The following MAGI1 variants were observed in gnomAD, a reference collection of about 807,000 sequenced individuals.
MAGI1 encodes the protein membrane-associated guanylate kinase, WW and PDZ domain-containing protein 1.
Under a neutral mutation model 139.9 loss-of-function variants are expected in MAGI1, and 58 were observed. The observed-to-expected ratio is 0.41, with a 90% CI of 0.34 to 0.52. The LOEUF (loss-of-function observed/expected upper bound fraction) is 0.52, where lower values mean the gene tolerates loss of function less well. Ranked by LOEUF, MAGI1 falls within the 20% of genes least tolerant of loss-of-function variation. The pLI, the probability that MAGI1 is intolerant of heterozygous loss-of-function variation, is 0.12. For synonymous variants in MAGI1, 812 were observed against 737.9 expected, an observed-to-expected ratio of 1.10 and a Z score of -1.63; for missense variants, 1,874 against 1,901.6, an observed-to-expected ratio of 0.99 and a Z score of 0.27.
chr3:65,940,505 G>C (rs60167566), intron 1 of MAGI1, among the ~76,000 whole-genome samples: 2 of 152,216 alleles, frequency 1.3e-5, no homozygotes, highest in East Asian at 1.9e-4. Flanking sequence ...TGTTTTATAA[G>C]AGCACTAATC....
chr3:66,030,526 C>G (rs1468938937), intron 1 of MAGI1, among the ~76,000 whole-genome samples: 1 of 152,140 alleles, frequency 6.6e-6, no homozygotes, highest in African/African-American at 2.4e-5. Flanking sequence ...GATCTACATA[C>G]TATGGAGTAA....
At chr3:65,496,914 T>C (rs756787488) in intron 2 of MAGI1, among the ~76,000 whole-genome samples, 3 of 152,142 alleles carry the variant, frequency 2.0e-5, no homozygotes, top group Non-Finnish European at 2.9e-5. Context: ...TTGGATGTTG[T>C]ATGTAAGAAA....
At chr3:65,613,345 T>C (rs1360547230) in intron 2 of MAGI1, among the ~76,000 whole-genome samples, 2 of 152,180 alleles carry the variant, frequency 1.3e-5, no homozygotes, top group African/African-American at 4.8e-5. Context: ...TAATGACAGA[T>C]GTTATTATTA....
rs576920678 is a variant in MAGI1 at position 65,709,580 on chromosome 3, C to T, written c.314-87492G>A. Among the ~76,000 whole-genome samples the T allele has an allele frequency of 4.7e-4, 71 of 152,258 alleles. 1 individual carries two copies. In the South Asian group the frequency reaches 6.4e-3, roughly 14 times the overall value. On this transcript the variant is annotated intron_variant, in intron 1 of 22. Coordinates refer to ENST00000402939, the MANE Select transcript of MAGI1 (RefSeq NM_001033057.2). Reference sequence around the variant, plus strand: ...ATACCAAATTAGAGACAACAGGAAACGTCAGTAGTCTTACGGCTTTTCTTT... The same window carrying T: ...ATACCAAATTAGAGACAACAGGAAATGTCAGTAGTCTTACGGCTTTTCTTT...
At chr3:65,686,287 GT>G (rs376536558) in intron 1 of MAGI1, among the ~76,000 whole-genome samples, 226 of 151,966 alleles carry the variant, frequency 1.5e-3, no homozygotes, top group African/African-American at 4.8e-3. Context: ...CTGTAGGGGT[GT>G]TTTTTTGTTT....
intron 1 of MAGI1, among the ~76,000 whole-genome samples, chr3:65,730,345 A>G (rs2034060604): frequency 6.6e-6 from 1 of 152,208 alleles, no homozygotes; most frequent in Admixed American, 6.5e-5. Context: ...TTCTTCCCCA[A>G]GCCTGTCACC....
At chr3:65,915,581 A>C (rs2061861943) in intron 1 of MAGI1, among the ~76,000 whole-genome samples, 1 of 152,182 alleles carries the variant, frequency 6.6e-6, no homozygotes, top group East Asian at 1.9e-4. Flanking sequence ...AAAACGATGA[A>C]TAACACACAG....
At chr3:65,477,121 C>T (rs1950936437) in intron 4 of MAGI1, among the ~76,000 whole-genome samples, 1 of 152,164 alleles carries the variant, frequency 6.6e-6, no homozygotes, top group Non-Finnish European at 1.5e-5. Context: ...GGGTAACAAA[C>T]AAATCTCCTC....
intron 1 of MAGI1, among the ~76,000 whole-genome samples, chr3:65,934,345 T>G (rs577647571): frequency 5.3e-4 from 80 of 151,886 alleles, no homozygotes; most frequent in Middle Eastern, 3.4e-3. Context: ...GATCCTCCTG[T>G]CTCAGCCTCC....
At position 65,354,099 on chromosome 3, in the gene MAGI1, A is replaced by G. The variant is rs541953560; in HGVS notation, c.*2279T>C. 1 of 152,360 alleles carries G rather than the reference A, an allele frequency of 6.6e-6. No homozygotes were observed. The highest frequency in any genetic ancestry group is 1.9e-4 in the East Asian group (1 of 5,188). The allele number at this position is 152,360 out of a possible 1,614,324, so 9.4% of individuals were successfully genotyped here. A position where few individuals can be genotyped will look rare whatever the true frequency, so the allele number is the denominator to read the frequency against. ...CAATTGAGAGCATCAGTCATTTAAC[A>G]TCACAGATTTTGTTAGAACTAGTGA... is the stretch of plus-strand genomic sequence containing the variant. On this transcript the variant is annotated 3_prime_UTR_variant, in exon 23 of 23. Coordinates refer to ENST00000402939, the MANE Select transcript of MAGI1 (RefSeq NM_001033057.2).
chr3:65,425,058 G>A (rs1264278189), intron 12 of MAGI1, among the ~76,000 whole-genome samples: 1 of 135,204 alleles, frequency 7.4e-6, no homozygotes, highest in Non-Finnish European at 1.6e-5. Flanking sequence ...CAAAAGAGCA[G>A]GACCCTGTAT....
chr3:65,848,138 A>G (rs1417523403), intron 1 of MAGI1, among the ~76,000 whole-genome samples: 1 of 152,204 alleles, frequency 6.6e-6, no homozygotes, highest in Non-Finnish European at 1.5e-5. Flanking sequence ...AATTAAAAAG[A>G]AGAAGTCAGA....
intron 1 of MAGI1, among the ~76,000 whole-genome samples, chr3:65,961,787 A>C (rs2064438144): frequency 6.6e-6 from 1 of 152,182 alleles, no homozygotes; most frequent in Non-Finnish European, 1.5e-5. Context: ...CTTTCCAATA[A>C]AGACAGACTC....
intron 2 of MAGI1, chr3:65,609,840 G>A (rs2082951091): frequency 7.7e-6 from 2 of 261,404 alleles, no homozygotes; most frequent in Admixed American, 4.0e-5. Flanking sequence ...GCTTCCCAAA[G>A]TGTTGGGATT....
chr3:66,015,179 CAAAA>C (rs11361856), intron 1 of MAGI1, among the ~76,000 whole-genome samples: 2 of 98,000 alleles, frequency 2.0e-5, no homozygotes, highest in East Asian at 3.0e-4. Flanking sequence ...CCTGTCTCTA[CAAAA>C]AAAAAAAAAA....
chr3:65,498,969 C>A lies in MAGI1; in HGVS notation c.431-5338G>T, dbSNP rs1010104797. 8.1e-6 allele frequency: 8 copies of A among 982,152 alleles called. No individual in the cohort carries two copies. The African/African-American group carries it at 1.4e-4, about 17-fold the overall frequency. 60.8% of individuals were successfully genotyped at this position (982,152 alleles called of 1,614,324 possible). A position where few individuals can be genotyped will look rare whatever the true frequency, so the allele number is the denominator to read the frequency against. On this transcript the variant is annotated intron_variant, in intron 2 of 22. Coordinates refer to ENST00000402939, the MANE Select transcript of MAGI1 (RefSeq NM_001033057.2). ...CATTACACTACATCCAGTACCATGT[C>A]CCAAACAACTTCTAGCACTCAAAAT...
chr3:65,530,265 G>A lies in MAGI1; in HGVS notation c.431-36634C>T, dbSNP rs188184504. On this transcript the variant is annotated intron_variant, in intron 2 of 22. Transcript: ENST00000402939. ...TGTCATCCATGTCACTGAATTAGGCGAGTGCTAATTCATCCATGTCACTGA... is the reference window on the plus strand; with the variant it reads ...TGTCATCCATGTCACTGAATTAGGCAAGTGCTAATTCATCCATGTCACTGA... Among the ~76,000 whole-genome samples the A allele has an allele frequency of 6.6e-4, 101 of 152,082 alleles. 1 individual carries two copies. The highest frequency in any genetic ancestry group is 2.3e-3 in the African/African-American group (95 of 41,472).
At chr3:65,403,651 C>T (rs912410765) in intron 12 of MAGI1, among the ~76,000 whole-genome samples, 10 of 152,126 alleles carry the variant, frequency 6.6e-5, no homozygotes, top group Admixed American at 5.2e-4. Flanking sequence ...ATCCCAATGA[C>T]CTACATGAAA....
chr3:65,913,075 C>G (rs1309077799), intron 1 of MAGI1, among the ~76,000 whole-genome samples: 1 of 152,094 alleles, frequency 6.6e-6, no homozygotes, highest in Admixed American at 6.6e-5. Flanking sequence ...AGTTCGAGAC[C>G]AGCCTGGCCA....
Sources: allele counts gnomAD v4.1 joint callset (sites outside exome capture counted in the v4.1 genomes callset), GRCh38; gene constraint gnomAD v4.1.1; transcripts MANE v1.5; gene names NCBI Gene and HGNC (gene_info 2026-07-23, HGNC 2026-07-21).